Variants in HERC3 observed in about 807,000 individuals in gnomAD.
HERC3 encodes the protein probable E3 ubiquitin-protein ligase HERC3.
HERC3 carries 58 observed loss-of-function variants against 129.9 expected under a neutral mutation model. The ratio of observed to expected loss-of-function variants is 0.45; its 90% CI spans 0.36 to 0.56. HERC3 has a LOEUF of 0.56. Among genes scored for constraint, HERC3 ranks in the 20% least tolerant of loss-of-function variants. The pLI is 0.00. For missense variants in HERC3, 835 were observed against 1,244.2 expected, an observed-to-expected ratio of 0.67 and a Z score of 4.95; for synonymous variants, 430 against 451.0, an observed-to-expected ratio of 0.95 and a Z score of 0.59.
At chr4:88,692,839 G>C in intron 23 of HERC3, 1 of 952,904 alleles carries the variant, frequency 1.0e-6, no homozygotes, top group Non-Finnish European at 1.2e-6. Flanking sequence ...ATGGGTACCA[G>C]CATATGGCCT....
At chr4:88,616,722 G>A (rs1724940205) in intron 3 of HERC3, among the ~76,000 whole-genome samples, 1 of 152,204 alleles carries the variant, frequency 6.6e-6, no homozygotes, top group East Asian at 1.9e-4. Flanking sequence ...TAGTCGCTAT[G>A]CTTGCAGTTT....
rs1696773859 is a variant in HERC3, at chr4:88,681,140, T to G, written c.2341-19T>G. ...AACATTGCATTTCTTTTTAACACAT[T>G]TGTATGTGTCCTAAAAAGTGTTTTG... On this transcript the variant is annotated intron_variant, in intron 20 of 25. Transcript: ENST00000402738. 1.3e-6 allele frequency: 2 copies of G among 1,586,800 alleles called. No homozygotes were observed. The highest frequency in any genetic ancestry group is 2.7e-5 in the African/African-American group (2 of 73,728).
chr4:88,639,574 A>G (rs1404228522), intron 3 of HERC3, among the ~76,000 whole-genome samples: 1 of 152,254 alleles, frequency 6.6e-6, no homozygotes, highest in Admixed American at 6.5e-5. Flanking sequence ...TACACCTTAT[A>G]CAAAAATTAA....
At chr4:88,648,733 T>C (rs1264091904) in intron 3 of HERC3, among the ~76,000 whole-genome samples, 1 of 152,168 alleles carries the variant, frequency 6.6e-6, no homozygotes, top group African/African-American at 2.4e-5. Flanking sequence ...TGATTTTTTT[T>C]TGAAATATTT....
At chr4:88,618,024 T>C (rs1725114656) in intron 3 of HERC3, among the ~76,000 whole-genome samples, 1 of 152,024 alleles carries the variant, frequency 6.6e-6, no homozygotes, top group Admixed American at 6.6e-5. Flanking sequence ...GAAGCGAGGA[T>C]GTTGAGAAAA....
chr4:88,645,244 GT>G (rs537775369), intron 3 of HERC3, among the ~76,000 whole-genome samples: 3 of 152,120 alleles, frequency 2.0e-5, no homozygotes, highest in Non-Finnish European at 4.4e-5. Flanking sequence ...GAAATCAAGA[GT>G]TAGGGTGAAT....
intron 19 of HERC3, 98 bp from the exon 20 acceptor site, chr4:88,679,995 T>A: frequency 9.6e-7 from 1 of 1,040,404 alleles, no homozygotes; most frequent in Non-Finnish European, 1.4e-6. Context: ...TGTTATGCTT[T>A]CCTTCCTTTG....
intron 23 of HERC3, chr4:88,697,746 G>A (rs770889837): frequency 8.1e-6 from 13 of 1,607,742 alleles, no homozygotes; most frequent in Non-Finnish European, 1.7e-6. Flanking sequence ...GGTTTTCCGA[G>A]TCGGCCATGT....
At chr4:88,543,186 A>T in the HERC3 span, among the ~76,000 whole-genome samples, 1 of 152,196 alleles carries the variant, frequency 6.6e-6, no homozygotes, top group Non-Finnish European at 1.5e-5. Context: ...AATTTAGAAG[A>T]TCCCCTCATC....
At chr4:88,544,611 C>A in the HERC3 span, among the ~76,000 whole-genome samples, 2 of 152,298 alleles carry the variant, frequency 1.3e-5, no homozygotes, top group Non-Finnish European at 2.9e-5. Context: ...TATAAAGACA[C>A]GTGCACACGT....
At chr4:88,646,682 C>T (rs999556409) in intron 3 of HERC3, among the ~76,000 whole-genome samples, 2 of 152,170 alleles carry the variant, frequency 1.3e-5, no homozygotes, top group African/African-American at 2.4e-5. Flanking sequence ...CCAAGTGGGG[C>T]AGGGGTGTAT....
At position 88,677,945 on chromosome 4, in the gene HERC3, C is replaced by G; in HGVS notation, c.2026-19C>G. ...CACGTGTGCTCTGAGTAATTGCTTT[C>G]TTGACTGTGCCATTCCAGGTGGCAG... On this transcript the variant is annotated intron_variant, in intron 18 of 25. Coordinates refer to ENST00000402738, the MANE Select transcript of HERC3 (RefSeq NM_014606.3). 1 of 1,608,030 alleles carries G rather than the reference C, an allele frequency of 6.2e-7. No homozygotes were observed. Among genetic ancestry groups the G allele is most frequent in the Non-Finnish European group, 8.5e-7 (1 of 1,179,486 alleles).
At chr4:88,651,904 G>T in intron 4 of HERC3, 108 bp from the exon 5 acceptor site, 1 of 861,348 alleles carries the variant, frequency 1.2e-6, no homozygotes, top group Non-Finnish European at 1.9e-6. Flanking sequence ...AGACTTTTAG[G>T]CAAGATGGTG....
upstream of HERC3, among the ~76,000 whole-genome samples, chr4:88,591,434 G>C (rs1262697658): frequency 6.6e-6 from 1 of 152,114 alleles, no homozygotes; most frequent in Non-Finnish European, 1.5e-5. Context: ...TTCTCAGGAC[G>C]AGCGATTGCA....
the HERC3 span, among the ~76,000 whole-genome samples, chr4:88,531,723 C>G: frequency 3.0e-4 from 46 of 152,250 alleles, no homozygotes; most frequent in African/African-American, 1.0e-3. Flanking sequence ...GATACACACA[C>G]GTGAAATTTG....
rs896397360 is a variant in HERC3 at position 88,708,200 on chromosome 4, T to C, written c.*1240T>C. The C allele has an allele frequency of 6.6e-6, 1 of 152,636 alleles. No homozygotes were observed. The highest frequency in any genetic ancestry group is 1.5e-5 in the Non-Finnish European group (1 of 68,040). The allele number at this position is 152,636 out of a possible 1,614,324, so 9.5% of individuals were successfully genotyped here. On this transcript the variant is annotated 3_prime_UTR_variant, in exon 26 of 26. Coordinates refer to ENST00000402738, the MANE Select transcript of HERC3 (RefSeq NM_014606.3). ...TCAAATATATGTATTTTAAAAATAA[T>C]GACATGCTCAACCTTCCTCATCATG...
At chr4:88,546,835 A>G in the HERC3 span, among the ~76,000 whole-genome samples, 64 of 152,338 alleles carry the variant, frequency 4.2e-4, no homozygotes, top group African/African-American at 1.5e-3. Flanking sequence ...AGCCTCTGTC[A>G]TAGAGTTTCA....
At chr4:88,526,103 G>A in the HERC3 span, among the ~76,000 whole-genome samples, 1 of 152,042 alleles carries the variant, frequency 6.6e-6, no homozygotes, top group East Asian at 1.9e-4. Context: ...ACAGCACAGG[G>A]GCTAACACAT....
chr4:88,646,778 G>A (rs1197151602), intron 3 of HERC3, among the ~76,000 whole-genome samples: 1 of 152,212 alleles, frequency 6.6e-6, no homozygotes, highest in Non-Finnish European at 1.5e-5. Flanking sequence ...TAGTTCCACA[G>A]TGACAGATCT....
Sources: gnomAD v4.1 joint callset for allele counts (sites outside exome capture counted in the v4.1 genomes callset) on GRCh38, gnomAD v4.1.1 for gene constraint, MANE v1.5 for transcripts, NCBI Gene and HGNC (gene_info 2026-07-23, HGNC 2026-07-21) for gene names.